The following RBM22 variants were observed in gnomAD, a reference collection of about 807,000 sequenced individuals.
The protein encoded by RBM22 is pre-mRNA-splicing factor RBM22.
In RBM22, 1 loss-of-function variant was observed where a neutral mutation model predicts 50.1. That is an observed-to-expected ratio of 0.02 (90% CI 0.01 to 0.09). The LOEUF is 0.09. Ranked by LOEUF, RBM22 falls within the 10% of genes least tolerant of loss-of-function variation. The pLI is 1.00. For synonymous variants in RBM22, 152 were observed against 179.0 expected, an observed-to-expected ratio of 0.85 and a Z score of 1.20; for missense variants, 264 against 529.3, an observed-to-expected ratio of 0.50 and a Z score of 4.92.
In RBM22 at chr5:150,691,874, C is replaced by T; in HGVS notation, c.1140G>A (p.Gly380=). The change falls in exon 11 of 11, where the codon GGG becomes GGA. Residue 380 remains glycine (G), a synonymous_variant. Transcript: ENST00000199814. ...GTCCCATTGGGTGGAACATGTGTGG[C>T]CCAAAACCTGCAGATACGAGAGAAC... ...GIAPPPPPGF[G]PHMFHPMGPP... is the part of the protein sequence containing the mutation. 6.3e-7 allele frequency: 1 copy of T among 1,581,756 alleles called. No homozygotes were observed. The highest frequency in any genetic ancestry group is 8.6e-7 in the Non-Finnish European group (1 of 1,165,054).
rs1210521348 is a variant in RBM22 at position 150,695,511 on chromosome 5, A to G, written c.741T>C (p.Asp247=). The change falls in exon 7 of 11, where the codon GAT becomes GAC. Residue 247 remains aspartate, a synonymous_variant. Transcript: ENST00000199814. ...TCTAACTTATACCCACAAACCTTAAATCTGTCTCAGTAATGGTATCACCTA... is the reference window on the plus strand; with the variant it reads ...TCTAACTTATACCCACAAACCTTAAGTCTGTCTCAGTAATGGTATCACCTA... The part of the protein sequence containing the change: ...GGLGDTITET[D]LRNHFYQFGE... 6.2e-7 allele frequency: 1 copy of G among 1,611,710 alleles called. No individual in the cohort carries two copies. Among genetic ancestry groups the G allele is most frequent in the Admixed American group, 1.7e-5 (1 of 59,864 alleles).
In RBM22 at chr5:150,696,870, T is replaced by A; in HGVS notation, c.293A>T (p.Asp98Val). The A allele has an allele frequency of 6.2e-7, 1 of 1,614,196 alleles. No individual in the cohort carries two copies. The change falls in exon 5 of 11, where the codon GAC becomes GTC. Residue 98 changes from aspartate (D) to valine (V), a missense_variant. Transcript: ENST00000199814. The surrounding 1 kb of genome is among the most constrained non-coding windows in gnomAD (Gnocchi z 4.3). ...LEYGLPIQVR[D>V]AGLSFKDDMP... ...GTCATCTTTAAAAGACAATCCTGCG[T>A]CACGAACCTGGATGGGCAGGCCTGG...
At chr5:150,692,714 TTTC>T (rs1759223624) in intron 10 of RBM22, among the ~76,000 whole-genome samples, 178 bp downstream of exon 10, 1 of 152,100 alleles carries the variant, frequency 6.6e-6, no homozygotes, top group Non-Finnish European at 1.5e-5. Flanking sequence ...AACTGGCCCC[TTTC>T]TTCTCCTCGG....
At position 150,701,032 on chromosome 5, in the gene RBM22, G is replaced by A. The variant is rs918418017; in HGVS notation, c.-47C>T. The A allele has an allele frequency of 8.1e-6, 13 of 1,608,604 alleles. No homozygotes were observed. Among genetic ancestry groups the A allele is most frequent in the African/African-American group, 5.3e-5 (4 of 74,878 alleles). On this transcript the variant is annotated 5_prime_UTR_variant, in exon 1 of 11. Transcript: ENST00000199814. ...CTGTAGCTTCCGAATTGGGAGAGAG[G>A]ACCGCCACAATCCCGTCAAGCCCCG...
chr5:150,691,859 G>A lies in RBM22; in HGVS notation c.1155C>T (p.His385=). 3.8e-6 allele frequency: 6 copies of A among 1,594,908 alleles called. No individual in the cohort carries two copies. Among genetic ancestry groups the A allele is most frequent in the Non-Finnish European group, 4.3e-6 (5 of 1,171,040 alleles). ...PPPGFGPHMF[H]PMGPPPPFMR... is the part of the protein sequence containing the mutation. The stretch of plus-strand genomic sequence containing the variant: ...TGAAAGGAGGGGGTGGTCCCATTGG[G>A]TGGAACATGTGTGGCCCAAAACCTG... The change falls in exon 11 of 11, where the codon CAC becomes CAT. Residue 385 remains histidine, a synonymous_variant. Coordinates refer to ENST00000199814, the MANE Select transcript of RBM22 (RefSeq NM_018047.3).
At chr5:150,693,860 G>A (rs550103909) in intron 8 of RBM22, among the ~76,000 whole-genome samples, 12 of 152,160 alleles carry the variant, frequency 7.9e-5, no homozygotes, top group Non-Finnish European at 1.3e-4. Flanking sequence ...CTTCAAAGGA[G>A]TAGATTATAC....
In RBM22 at chr5:150,691,817, T is replaced by G; in HGVS notation, c.1197A>C (p.Pro399=). The G allele has an allele frequency of 6.2e-7, 1 of 1,602,016 alleles. No homozygotes were observed. Among genetic ancestry groups the G allele is most frequent in the Non-Finnish European group, 8.5e-7 (1 of 1,174,334 alleles). Residue 399 remains proline (P), a synonymous_variant, in exon 11 of 11, where the codon CCA becomes CCC. Transcript: ENST00000199814. ...PPPPFMRAPG[P]IHYPSQDPQR... Reference sequence around the variant, plus strand: ...GAGGGTCCTGAGAAGGATAGTGGATTGGTCCTGGAGCCCGCATGAAAGGAG... The same window carrying G: ...GAGGGTCCTGAGAAGGATAGTGGATGGGTCCTGGAGCCCGCATGAAAGGAG...
intron 2 of RBM22, among the ~76,000 whole-genome samples, chr5:150,700,013 A>G (rs371522764): frequency 2.0e-5 from 3 of 152,170 alleles, no homozygotes; most frequent in African/African-American, 7.2e-5. Flanking sequence ...ACAAAGGGGG[A>G]ATGCTTACTT....
At chr5:150,694,273 G>A (rs2151456239) in intron 7 of RBM22, 33 bp from the exon 8 acceptor site, 1 of 1,597,234 alleles carries the variant, frequency 6.3e-7, no homozygotes, top group Non-Finnish European at 8.5e-7. Flanking sequence ...AAATGAAAGT[G>A]GGAGTTAAAA....
At chr5:150,700,532 C>T in intron 1 of RBM22, 35 bp from the exon 2 acceptor site, 6 of 1,613,818 alleles carry the variant, frequency 3.7e-6, no homozygotes, top group Non-Finnish European at 5.1e-6. Flanking sequence ...GAGGACCACC[C>T]TCCGAAGACC....
intron 9 of RBM22, 89 bp downstream of exon 9, chr5:150,693,130 C>T (rs999665509): frequency 6.2e-5 from 95 of 1,541,710 alleles, no homozygotes; most frequent in Middle Eastern, 1.8e-4. Context: ...AGTAGAGCGG[C>T]AACATGAACC....
chr5:150,696,702 A>T lies in RBM22; in HGVS notation c.376T>A (p.Ser126Thr), dbSNP rs747378474. 1.2e-6 allele frequency: 2 copies of T among 1,614,206 alleles called. No individual in the cohort carries two copies. The highest frequency in any genetic ancestry group is 1.7e-6 in the Non-Finnish European group (2 of 1,180,026). Residue 126 changes from serine to threonine, a missense_variant, in exon 6 of 11, where the codon TCT (serine) becomes ACT (threonine). Ser to Thr is a moderately conservative substitution (Grantham distance 58). Transcript: ENST00000199814. This position sits in a 1 kb window ranked among gnomAD's most constrained non-coding sequence, Gnocchi z 4.3. ...ACTGGCCGTGTTCCATCAGAGTTAG[A>T]AATCTAAGTGGGGATGACAAATTCA... ...YYTQNMEREI[S>T]NSDGTRPVGM...
intron 8 of RBM22, 25 bp from the exon 9 acceptor site, chr5:150,693,332 C>G: frequency 6.3e-7 from 1 of 1,583,370 alleles, no homozygotes; most frequent in Non-Finnish European, 8.6e-7. Flanking sequence ...TGCATACAGT[C>G]GGCACTCTGG....
chr5:150,695,461 G>A (rs1305156073), intron 7 of RBM22, 45 bp downstream of exon 7: 2 of 1,448,938 alleles, frequency 1.4e-6, no homozygotes, highest in East Asian at 2.3e-5. Context: ...AATTATTCCA[G>A]GGCAGTTAAA....
intron 8 of RBM22, 57 bp from the exon 9 acceptor site, chr5:150,693,364 GCTT>G (rs1187876342): frequency 2.2e-6 from 3 of 1,354,400 alleles, no homozygotes; most frequent in Non-Finnish European, 3.1e-6. Flanking sequence ...TCACACCTCT[GCTT>G]CTTACATTCC....
chr5:150,692,692 G>A (rs1033490077), intron 10 of RBM22, among the ~76,000 whole-genome samples: 4 of 152,024 alleles, frequency 2.6e-5, no homozygotes, highest in Admixed American at 6.6e-5. Flanking sequence ...ACATATACGC[G>A]GATCTTTAGA....
intron 2 of RBM22, among the ~76,000 whole-genome samples, chr5:150,699,964 T>C (rs190853745): frequency 6.6e-6 from 1 of 152,298 alleles, no homozygotes; most frequent in East Asian, 1.9e-4. Context: ...GCCCTAACCT[T>C]ATTATTGTTA....
chr5:150,694,367 T>C, intron 7 of RBM22, 127 bp from the exon 8 acceptor site: 2 of 1,395,960 alleles, frequency 1.4e-6, no homozygotes, highest in Non-Finnish European at 1.9e-6. Flanking sequence ...TCTGCCTAAC[T>C]ACCCGCAGGT....
At position 150,696,651 on chromosome 5, in the gene RBM22, T is replaced by A. The variant is rs555371168; in HGVS notation, c.427A>T (p.Thr143Ser). 6.2e-7 allele frequency: 1 copy of A among 1,614,176 alleles called. No individual in the cohort carries two copies. Among genetic ancestry groups the A allele is most frequent in the South Asian group, 1.1e-5 (1 of 91,086 alleles). The change falls in exon 6 of 11, where the codon ACC becomes TCC. Residue 143 changes from threonine to serine, a missense_variant. Around this residue, in one of 7 missense-constraint regions of RBM22, gnomAD observed 44 missense variants for 57.9 expected, o/e 0.76. Coordinates refer to ENST00000199814, the MANE Select transcript of RBM22 (RefSeq NM_018047.3). This position sits in a 1 kb window ranked among gnomAD's most constrained non-coding sequence, Gnocchi z 4.3. ...GCCAGTTTGAGCAGCATGTCACTGG[T>A]AGATGTGGCTTTCCCCAGCATGCCA... ...PVGMLGKATSTSDMLLKLART... is the reference protein window; with the variant it reads ...PVGMLGKATSSSDMLLKLART...
Sources: allele counts gnomAD v4.1 joint callset (sites outside exome capture counted in the v4.1 genomes callset), GRCh38; gene constraint gnomAD v4.1.1; regional missense constraint gnomAD v4.1.1; non-coding constraint Gnocchi (gnomAD v3.1); transcripts MANE v1.5; gene names NCBI Gene and HGNC (gene_info 2026-07-23, HGNC 2026-07-21).